FER: variants seen among roughly 807,000 people sequenced by gnomAD.
FER encodes the protein FER tyrosine kinase, also known as tyrosine-protein kinase Fer.
A neutral mutation model predicts 111.0 loss-of-function variants in FER; 63 were observed. The observed-to-expected ratio is 0.57, with a 90% confidence interval of 0.46 to 0.70. The LOEUF is 0.70. FER is among the 30% of genes least tolerant of loss of function. FER has a pLI of 0.00. For missense variants in FER, 914 were observed against 954.0 expected, an observed-to-expected ratio of 0.96 and a Z score of 0.55; for synonymous variants, 327 against 313.9, an observed-to-expected ratio of 1.04 and a Z score of -0.44.
At chr5:108,826,850 G>C (rs549702207) in intron 3 of FER, among the ~76,000 whole-genome samples, 1 of 152,092 alleles carries the variant, frequency 6.6e-6, no homozygotes, top group Non-Finnish European at 1.5e-5. Context: ...TTATTCCATA[G>C]CACCTTGTTC....
chr5:109,008,981 C>T lies in FER; in HGVS notation c.1657-28441C>T, dbSNP rs540023800. ...GCGAAACTCCATCTCAAAACAACAA[C>T]AACAACAACAACAAAACAATAGCCA... is the stretch of plus-strand genomic sequence containing the variant. On this transcript the variant is annotated intron_variant, in intron 13 of 19. Coordinates refer to ENST00000281092, the MANE Select transcript of FER (RefSeq NM_005246.4). Among the ~76,000 whole-genome samples, 4 of 151,320 alleles carry T rather than the reference C, an allele frequency of 2.6e-5. No individual in the cohort carries two copies. The South Asian group carries it at 6.3e-4, about 24-fold the overall frequency.
intron 16 of FER, among the ~76,000 whole-genome samples, chr5:109,071,840 G>A (rs981965349): frequency 6.6e-6 from 1 of 151,704 alleles, no homozygotes; most frequent in South Asian, 2.1e-4. Flanking sequence ...AATGAGTGGA[G>A]AAACTGGAAA....
intron 9 of FER, among the ~76,000 whole-genome samples, chr5:108,887,882 G>A (rs1747415557): frequency 6.6e-6 from 1 of 151,828 alleles, no homozygotes; most frequent in African/African-American, 2.4e-5. Flanking sequence ...AAGAGCTAGT[G>A]ATGTTACTGT....
At position 109,173,841 on chromosome 5, in the gene FER, T is replaced by C. The variant is rs976707165; in HGVS notation, c.2049-6906T>C. 2.3e-4 allele frequency among the ~76,000 whole-genome samples: 35 copies of C among 149,660 alleles called. 2 individuals carry two copies. In the South Asian group the frequency reaches 7.4e-3, roughly 32 times the overall value. On this transcript the variant is annotated intron_variant, in intron 17 of 19. Transcript: ENST00000281092. The stretch of plus-strand genomic sequence containing the variant: ...ACTGTATTCTGAGCGTCCTGACAGG[T>C]AGCAGGAGAGATCCTTCAAGAATAA...
At chr5:109,074,648 G>T (rs370223087) in intron 16 of FER, among the ~76,000 whole-genome samples, 11 of 152,268 alleles carry the variant, frequency 7.2e-5, no homozygotes, top group African/African-American at 2.6e-4. Context: ...TAAAGAGGGC[G>T]GTCAGGAAAC....
chr5:108,947,030 TC>T (rs751415970), intron 11 of FER, among the ~76,000 whole-genome samples: 25 of 152,014 alleles, frequency 1.6e-4, no homozygotes, highest in Admixed American at 5.9e-4. Flanking sequence ...AGTACTTCAT[TC>T]CTTTTTGTGA....
chr5:109,040,938 A>C (rs950423726), intron 14 of FER, among the ~76,000 whole-genome samples: 1 of 152,156 alleles, frequency 6.6e-6, no homozygotes, highest in East Asian at 1.9e-4. Flanking sequence ...AGGTGGGTCA[A>C]TATAGGGACA....
chr5:109,100,510 G>T lies in FER; in HGVS notation c.2039G>T (p.Cys680Phe), dbSNP rs747151084. ...AGMLYLESKN[C>F]IHRDLAARNC... is the part of the protein sequence containing the mutation. The stretch of plus-strand genomic sequence containing the variant: ...ATGTTGTATCTCGAGAGTAAAAACT[G>T]TATACACAGGTAAGGAGAACATTTT... The change falls in exon 17 of 20, where the codon TGT becomes TTT. Residue 680 changes from cysteine to phenylalanine, a missense_variant. Coordinates refer to ENST00000281092, the MANE Select transcript of FER (RefSeq NM_005246.4). 1 of 1,609,326 alleles carries T rather than the reference G, an allele frequency of 6.2e-7. No individual in the cohort carries two copies. Among genetic ancestry groups the T allele is most frequent in the Admixed American group, 1.7e-5 (1 of 59,490 alleles).
chr5:108,948,565 G>T (rs1757316448), intron 11 of FER, among the ~76,000 whole-genome samples: 2 of 152,026 alleles, frequency 1.3e-5, no homozygotes, highest in Admixed American at 1.3e-4. Context: ...TGCTTCTGAA[G>T]CCAAGGCCTA....
intron 1 of FER, among the ~76,000 whole-genome samples, chr5:108,750,824 C>T (rs1750408435): frequency 2.0e-5 from 3 of 152,154 alleles, no homozygotes; most frequent in Admixed American, 2.0e-4. Context: ...ATATATTTAG[C>T]AATAACGATT....
At chr5:108,879,701 A>AAAAATATATATATATAT in intron 8 of FER, among the ~76,000 whole-genome samples, 5 of 99,092 alleles carry the variant, frequency 5.0e-5, no homozygotes, top group East Asian at 2.2e-4. Flanking sequence ...ATTAAAAAAA[A>AAAAATATATATATATAT]ATATATATAT....
intron 1 of FER, among the ~76,000 whole-genome samples, chr5:108,756,619 T>G (rs1751139403): frequency 6.6e-6 from 1 of 152,040 alleles, no homozygotes; most frequent in African/African-American, 2.4e-5. Flanking sequence ...TAATTATAGG[T>G]CAATATAACT....
chr5:108,809,506 T>C (rs1757531419), intron 3 of FER, among the ~76,000 whole-genome samples: 1 of 152,214 alleles, frequency 6.6e-6, no homozygotes, highest in Non-Finnish European at 1.5e-5. Context: ...ATTTCATCCT[T>C]GTCTTGGATC....
chr5:108,809,831 A>G (rs1047886060), intron 3 of FER, among the ~76,000 whole-genome samples: 1 of 152,138 alleles, frequency 6.6e-6, no homozygotes, highest in Non-Finnish European at 1.5e-5. Flanking sequence ...CCAAAATGCT[A>G]TGATTGCAGA....
intron 5 of FER, among the ~76,000 whole-genome samples, chr5:108,855,437 G>A (rs1368761258): frequency 6.6e-6 from 1 of 151,728 alleles, no homozygotes; most frequent in Non-Finnish European, 1.5e-5. Context: ...TCGAGACCAC[G>A]GTGAAATCCC....
chr5:109,162,431 A>G (rs1258479177), intron 17 of FER, among the ~76,000 whole-genome samples: 1 of 152,124 alleles, frequency 6.6e-6, no homozygotes, highest in African/African-American at 2.4e-5. Flanking sequence ...GCCAAAATGA[A>G]AAGCTAAGTG....
intron 9 of FER, among the ~76,000 whole-genome samples, chr5:108,892,054 C>A (rs1335370064): frequency 4.6e-5 from 7 of 152,084 alleles, no homozygotes; most frequent in Non-Finnish European, 8.8e-5. Context: ...TTTTCTTAAT[C>A]CAGTCTATCA....
rs748131456 is a variant in FER, at chr5:108,867,897, T to G, written c.612T>G (p.Leu204=). The part of the protein sequence containing the change: ...LHQNQYYDIT[L]PLLLDSLQKM... ...AGAATCAGTATTATGATATCACACT[T>G]CCCCTGCTTCTGGACTCCTTACAAA... The change falls in exon 6 of 20, where the codon CTT becomes CTG. Residue 204 remains leucine, a synonymous_variant. Coordinates refer to ENST00000281092, the MANE Select transcript of FER (RefSeq NM_005246.4). 2.5e-6 allele frequency: 4 copies of G among 1,613,086 alleles called. No homozygotes were observed. Among genetic ancestry groups the G allele is most frequent in the Non-Finnish European group, 3.4e-6 (4 of 1,179,482 alleles).
In FER at chr5:109,057,017, G is replaced by A. The variant is rs915711197; in HGVS notation, c.1924+9819G>A. 3.9e-4 allele frequency among the ~76,000 whole-genome samples: 59 copies of A among 152,178 alleles called. 1 individual carries two copies. The highest frequency in any genetic ancestry group is 1.3e-4 in the Non-Finnish European group (9 of 67,998). On this transcript the variant is annotated intron_variant, in intron 16 of 19. Coordinates refer to ENST00000281092, the MANE Select transcript of FER (RefSeq NM_005246.4). ...TTTTATTTTATCAATATATCAATTT[G>A]GGGAAAATAGACTTCCTAGCAATAT...
Sources: allele counts gnomAD v4.1 joint callset (sites outside exome capture counted in the v4.1 genomes callset), GRCh38; gene constraint gnomAD v4.1.1; transcripts MANE v1.5; gene names NCBI Gene and HGNC (gene_info 2026-07-23, HGNC 2026-07-21).